Variants in HERC2 observed in about 807,000 individuals in gnomAD.
HERC2 encodes HECT and RLD domain containing E3 ubiquitin protein ligase 2, also known as E3 ubiquitin-protein ligase HERC2.
A neutral mutation model predicts 537.7 loss-of-function variants in HERC2; 102 were observed. The observed-to-expected ratio is 0.19, with a 90% CI of 0.16 to 0.22. HERC2 has a LOEUF of 0.22. Among genes scored for constraint, HERC2 ranks in the 10% least tolerant of loss-of-function variants. The probability of loss-of-function intolerance (pLI) is 1.00; values close to 1 mark genes in which losing one functional copy is unlikely to be tolerated. For synonymous variants in HERC2, 2,224 were observed against 2,466.2 expected (o/e 0.90, Z 2.91); for missense variants, 4,236 against 6,198.2 (o/e 0.68, Z 10.63).
intron 35 of HERC2, among the ~76,000 whole-genome samples, chr15:28,225,816 C>G (rs1190073148): frequency 6.6e-6 from 1 of 151,690 alleles, no homozygotes. Flanking sequence ...ACACTGTGAA[C>G]TACTGTATGC....
At chr15:28,266,078 T>G in intron 12 of HERC2, 104 bp from the exon 13 acceptor site, 1 of 1,244,190 alleles carries the variant, frequency 8.0e-7, no homozygotes, top group Non-Finnish European at 1.1e-6. Flanking sequence ...CAGCATAGCA[T>G]CAGGCCAGTT....
At chr15:28,310,264 G>A (rs185797961) in intron 2 of HERC2, among the ~76,000 whole-genome samples, 40 of 152,212 alleles carry the variant, frequency 2.6e-4, no homozygotes, top group Non-Finnish European at 4.7e-4. Flanking sequence ...TGAACAACAT[G>A]GCAAAACCAC....
chr15:28,317,498 G>C (rs1170547572), intron 2 of HERC2, among the ~76,000 whole-genome samples: 4 of 152,206 alleles, frequency 2.6e-5, no homozygotes, highest in African/African-American at 9.6e-5. Context: ...TCCCAGTTTA[G>C]CTACTGATAT....
rs1198396816 is a variant in HERC2 at position 28,315,050 on chromosome 15, T to C, written c.72+6312A>G. ...TGCTTTATAGAAAAAATGTGCTGAC[T>C]CCTATGTTACTGCCACCTCTTCTCA... On this transcript the variant is annotated intron_variant, in intron 2 of 92. Coordinates refer to ENST00000261609, the MANE Select transcript of HERC2 (RefSeq NM_004667.6). 3.3e-5 allele frequency among the ~76,000 whole-genome samples: 5 copies of C among 152,186 alleles called. 1 individual carries two copies. Among genetic ancestry groups the C allele is most frequent in the South Asian group, 4.1e-4 (2 of 4,830 alleles).
In HERC2 at chr15:28,246,743, A is replaced by G. The variant is rs374923685; in HGVS notation, c.3390T>C (p.Thr1130=). The G allele has an allele frequency of 4.2e-5, 65 of 1,564,634 alleles. No homozygotes were observed. The Middle Eastern group carries it at 1.3e-3, about 32-fold the overall frequency. ...EVAYIVEGDF[T]GVLLPELVVS... ...ACACAAGCAGGAAACAAAAGGTACC[A>G]GTAAAGTCCCCTTCCACAATGTAAG... Residue 1130 remains threonine, a splice_region_variant and synonymous_variant, in exon 22 of 93, where the codon ACT becomes ACC. Coordinates refer to ENST00000261609, the MANE Select transcript of HERC2 (RefSeq NM_004667.6).
chr15:28,250,723 T>C (rs2075048404), intron 20 of HERC2, among the ~76,000 whole-genome samples: 1 of 152,188 alleles, frequency 6.6e-6, no homozygotes, highest in Admixed American at 6.5e-5. Context: ...GATAAACTAC[T>C]GTTCAACAAC....
intron 23 of HERC2, among the ~76,000 whole-genome samples, chr15:28,239,651 CCA>C (rs913759318): frequency 2.7e-5 from 4 of 145,972 alleles, no homozygotes; most frequent in African/African-American, 1.0e-4. Context: ...CAGCATGACC[CCA>C]GACATAACAC....
At chr15:28,209,553 C>T (rs937693148) in intron 44 of HERC2, among the ~76,000 whole-genome samples, 10 of 152,132 alleles carry the variant, frequency 6.6e-5, no homozygotes, top group Admixed American at 5.9e-4. Flanking sequence ...CCGTGTTAGC[C>T]AGGATGGTCT....
intron 75 of HERC2, 47 bp from the exon 76 acceptor site, chr15:28,142,440 T>G (rs1263053808): frequency 6.3e-7 from 1 of 1,583,830 alleles, no homozygotes; most frequent in African/African-American, 1.3e-5. Flanking sequence ...AGAAATGCAG[T>G]GAACAGGCCA....
At position 28,291,277 on chromosome 15, in the gene HERC2, T is replaced by C. The variant is rs540521092; in HGVS notation, c.322+1611A>G. On this transcript the variant is annotated intron_variant, in intron 4 of 92. Coordinates refer to ENST00000261609, the MANE Select transcript of HERC2 (RefSeq NM_004667.6). The stretch of plus-strand genomic sequence containing the variant: ...AGAGACCCTGTCACCCAGGCTGGAG[T>C]GTAGAGGCACAATCATAGATCACTG... 6.0e-4 allele frequency among the ~76,000 whole-genome samples: 91 copies of C among 151,960 alleles called. 2 individuals carry two copies. Among genetic ancestry groups the C allele is most frequent in the African/African-American group, 2.1e-3 (88 of 41,446 alleles).
intron 34 of HERC2, among the ~76,000 whole-genome samples, chr15:28,228,660 G>A (rs772703523): frequency 3.9e-5 from 6 of 152,198 alleles, no homozygotes; most frequent in South Asian, 2.1e-4. Flanking sequence ...CAGAAAGCAC[G>A]GGCAATTACT....
chr15:28,210,141 A>G (rs1055898934), intron 44 of HERC2, among the ~76,000 whole-genome samples: 65 of 144,578 alleles, frequency 4.5e-4, no homozygotes, highest in African/African-American at 1.7e-3. Flanking sequence ...TTTTTTATTT[A>G]TTTATTTTTT....
chr15:28,117,296 G>A lies in HERC2; in HGVS notation c.13273-142C>T, dbSNP rs527736761. On this transcript the variant is annotated intron_variant, in intron 86 of 92. Coordinates refer to ENST00000261609, the MANE Select transcript of HERC2 (RefSeq NM_004667.6). ...TGGTCACACACCTGCTTGTGTGGAC[G>A]CCAGGCAGACCCTGCCGTCTGGGGC... The A allele has an allele frequency of 2.3e-4, 202 of 872,504 alleles. 2 individuals are homozygous for A. In the African/African-American group the frequency reaches 3.0e-3, roughly 13 times the overall value. 54.0% of individuals were successfully genotyped at this position (872,504 alleles called of 1,614,324 possible). A position where few individuals can be genotyped will look rare whatever the true frequency, so the allele number is the denominator to read the frequency against.
rs905128605 is a variant in HERC2 at position 28,238,781 on chromosome 15, A to G, written c.3578-9T>C. ...ACCTGTAAAAAATGACTCTGTATAT[A>G]CAGAAACCAGAATCAGTCCATTGAT... is the stretch of plus-strand genomic sequence containing the variant. On this transcript the variant is annotated splice_polypyrimidine_tract_variant and intron_variant, in intron 23 of 92. Transcript: ENST00000261609. 2.5e-6 allele frequency: 4 copies of G among 1,597,950 alleles called. No individual in the cohort carries two copies. The Admixed American group carries it at 6.7e-5, about 27-fold the overall frequency.
intron 45 of HERC2, among the ~76,000 whole-genome samples, chr15:28,204,932 GA>G (rs1186646282): frequency 6.6e-6 from 1 of 151,980 alleles, no homozygotes; most frequent in Non-Finnish European, 1.5e-5. Flanking sequence ...AAGGCAGGGG[GA>G]AAAAACAATA....
intron 5 of HERC2, 124 bp from the exon 6 acceptor site, chr15:28,275,129 A>C (rs963552454): frequency 7.7e-6 from 4 of 520,464 alleles, no homozygotes; most frequent in African/African-American, 5.8e-5. Flanking sequence ...AAGTGACAGG[A>C]TCACAAGTGG....
At chr15:28,279,572 T>A (rs980424614) in intron 5 of HERC2, among the ~76,000 whole-genome samples, 1 of 151,114 alleles carries the variant, frequency 6.6e-6, no homozygotes, top group Non-Finnish European at 1.5e-5. Flanking sequence ...TCTGAGAGGC[T>A]GAAGCAGGAA....
intron 2 of HERC2, among the ~76,000 whole-genome samples, chr15:28,307,583 CT>C (rs1176350769): frequency 6.6e-6 from 1 of 152,168 alleles, no homozygotes; most frequent in African/African-American, 2.4e-5. Flanking sequence ...TAATTTCACT[CT>C]TAATTTCTTC....
At chr15:28,191,824 A>T (rs1005038653) in intron 53 of HERC2, 137 bp downstream of exon 53, 2 of 649,558 alleles carry the variant, frequency 3.1e-6, no homozygotes, top group African/African-American at 1.8e-5. Context: ...GAAATAACTT[A>T]TAAATTAAAA....
Sources: gnomAD v4.1 joint callset for allele counts (sites outside exome capture counted in the v4.1 genomes callset) on GRCh38, gnomAD v4.1.1 for gene constraint, MANE v1.5 for transcripts, NCBI Gene and HGNC (gene_info 2026-07-23, HGNC 2026-07-21) for gene names.